PDE10A: variants seen among roughly 807,000 people sequenced by gnomAD.
PDE10A encodes the protein cAMP and cAMP-inhibited cGMP 3',5'-cyclic phosphodiesterase 10A.
Under a neutral mutation model 97.7 loss-of-function variants are expected in PDE10A, and 39 were observed. That is an observed-to-expected ratio of 0.40 (90% CI 0.31 to 0.52). The LOEUF (loss-of-function observed/expected upper bound fraction) is 0.52, where lower values mean the gene tolerates loss of function less well. PDE10A is among the 20% of genes least tolerant of loss of function. The pLI, the probability that PDE10A is intolerant of heterozygous loss-of-function variation, is 0.56. For synonymous variants in PDE10A, 371 were observed against 376.8 expected, an observed-to-expected ratio of 0.98 and a Z score of 0.18; for missense variants, 731 against 1,047.8, an observed-to-expected ratio of 0.70 and a Z score of 4.17.
At chr6:165,601,982 G>C (rs533019359) in intron 1 of PDE10A, among the ~76,000 whole-genome samples, 1 of 152,124 alleles carries the variant, frequency 6.6e-6, no homozygotes, top group South Asian at 2.1e-4. Context: ...TTTTAAAACA[G>C]AGACTAAGAT....
chr6:165,572,186 G>T (rs532628838), intron 1 of PDE10A, among the ~76,000 whole-genome samples: 2 of 152,312 alleles, frequency 1.3e-5, no homozygotes, highest in South Asian at 4.1e-4. Context: ...TTGAAGAAAT[G>T]TGGAATTATT....
At chr6:165,595,101 C>T (rs915753428) in intron 1 of PDE10A, among the ~76,000 whole-genome samples, 1 of 152,124 alleles carries the variant, frequency 6.6e-6, no homozygotes, top group Non-Finnish European at 1.5e-5. Context: ...CCTGGCAATC[C>T]CAGCCATCAC....
intron 1 of PDE10A, among the ~76,000 whole-genome samples, chr6:165,672,309 C>G (rs1790669599): frequency 6.6e-6 from 1 of 152,206 alleles, no homozygotes; most frequent in African/African-American, 2.4e-5. Flanking sequence ...TGAAAATATC[C>G]TAAGTCAAAA....
chr6:165,501,428 G>A (rs1780876053), intron 2 of PDE10A, among the ~76,000 whole-genome samples: 1 of 152,128 alleles, frequency 6.6e-6, no homozygotes, highest in South Asian at 2.1e-4. Context: ...AGGCGTGGTG[G>A]CGGGCGCCTG....
intron 10 of PDE10A, among the ~76,000 whole-genome samples, chr6:165,421,213 G>A (rs768360007): frequency 2.0e-5 from 3 of 152,138 alleles, no homozygotes; most frequent in Non-Finnish European, 4.4e-5. Flanking sequence ...AGACTGAGAT[G>A]GGCAGATCTC....
intron 2 of PDE10A, among the ~76,000 whole-genome samples, chr6:165,499,881 A>C (rs533248399): frequency 6.6e-6 from 1 of 152,310 alleles, no homozygotes; most frequent in East Asian, 1.9e-4. Flanking sequence ...CATAGGGAAA[A>C]AAAGTCAATG....
intron 1 of PDE10A, among the ~76,000 whole-genome samples, chr6:165,961,929 C>G (rs1186857717): frequency 6.6e-6 from 1 of 152,238 alleles, no homozygotes. Context: ...AAGTCACCAA[C>G]TGGCGTGACT....
In PDE10A at chr6:165,655,803, T is replaced by G. The variant is rs1287239230; in HGVS notation, c.865+6144A>C. Among the ~76,000 whole-genome samples the G allele has an allele frequency of 6.6e-6, 1 of 152,094 alleles. No homozygotes were observed. Among genetic ancestry groups the G allele is most frequent in the Non-Finnish European group, 1.5e-5 (1 of 68,002 alleles). The stretch of plus-strand genomic sequence containing the variant: ...TTTCCTCTGACTGACAAAGCCTTCA[T>G]CCGGCCCATTTGCCACTTCACTTGC... On this transcript the variant is annotated intron_variant, in intron 1 of 21. Transcript: ENST00000539869. This position sits in a 1 kb window ranked among gnomAD's most constrained non-coding sequence, Gnocchi z 4.5.
At chr6:165,737,771 C>T (rs924458124) in intron 1 of PDE10A, among the ~76,000 whole-genome samples, 3 of 152,170 alleles carry the variant, frequency 2.0e-5, no homozygotes, top group Admixed American at 2.0e-4. Flanking sequence ...CTTGCCACTT[C>T]TATTCAATAC....
chr6:165,710,832 G>A (rs1791876764), intron 1 of PDE10A, among the ~76,000 whole-genome samples: 1 of 152,210 alleles, frequency 6.6e-6, no homozygotes, highest in Admixed American at 6.5e-5. Flanking sequence ...AAAGTGCTTA[G>A]AAAAATCACT....
intron 1 of PDE10A, among the ~76,000 whole-genome samples, chr6:165,719,404 T>A (rs775931121): frequency 3.9e-5 from 6 of 152,344 alleles, no homozygotes; most frequent in Admixed American, 1.3e-4. Context: ...GCTGTTCTAT[T>A]TCTTAACAGC....
intron 1 of PDE10A, among the ~76,000 whole-genome samples, chr6:165,863,396 G>T (rs1780958412): frequency 6.6e-6 from 1 of 152,138 alleles, no homozygotes; most frequent in Admixed American, 6.5e-5. Flanking sequence ...CTAGAAAACA[G>T]GTTTAATGTC....
intron 10 of PDE10A, among the ~76,000 whole-genome samples, chr6:165,422,019 G>A (rs1333670329): frequency 1.3e-5 from 2 of 151,484 alleles, no homozygotes; most frequent in Admixed American, 6.6e-5. Context: ...AGCAGAGATT[G>A]TGCCACTGCA....
Position 165,650,649 on chromosome 6 carries a change from T to C in PDE10A, c.865+11298A>G, listed in dbSNP as rs113765277. ...CATTAGATGGTTTCCAATGTCCTAT[T>C]TCAAACAATACTACGCCATATTCAT... On this transcript the variant is annotated intron_variant, in intron 1 of 21. Coordinates refer to ENST00000539869, the MANE Select transcript of PDE10A (RefSeq NM_001385079.1). 7.8e-3 allele frequency among the ~76,000 whole-genome samples: 1,191 copies of C among 152,356 alleles called. 16 individuals are homozygous for C. The highest frequency in any genetic ancestry group is 0.027 in the African/African-American group (1,133 of 41,590).
At chr6:165,899,243 A>C (rs1782036964) in intron 1 of PDE10A, among the ~76,000 whole-genome samples, 1 of 152,348 alleles carries the variant, frequency 6.6e-6, no homozygotes, top group South Asian at 2.1e-4. Flanking sequence ...TTCCGGTATC[A>C]ACTTAAAGAA....
intron 1 of PDE10A, among the ~76,000 whole-genome samples, chr6:165,957,067 C>G (rs1165100034): frequency 1.3e-5 from 2 of 152,140 alleles, no homozygotes; most frequent in Admixed American, 6.5e-5. Context: ...GACCTCCTGG[C>G]TACTAGTGCA....
intron 18 of PDE10A, among the ~76,000 whole-genome samples, chr6:165,364,389 G>A (rs2128195057): frequency 6.6e-6 from 1 of 152,278 alleles, no homozygotes; most frequent in African/African-American, 2.4e-5. Context: ...CACTCAAATT[G>A]AGACACTCAA....
intron 1 of PDE10A, among the ~76,000 whole-genome samples, chr6:165,724,977 CG>C (rs1407567985): frequency 5.3e-5 from 8 of 152,180 alleles, no homozygotes; most frequent in Non-Finnish European, 8.8e-5. Flanking sequence ...CTCCACCCTC[CG>C]GCCTGTGCCC....
intron 1 of PDE10A, among the ~76,000 whole-genome samples, chr6:165,603,043 A>G (rs1256562655): frequency 6.6e-6 from 1 of 152,258 alleles, no homozygotes; most frequent in Non-Finnish European, 1.5e-5. Flanking sequence ...GAAAATAAGA[A>G]GTAAAAATAA....
Sources: gnomAD v4.1 joint callset for allele counts (sites outside exome capture counted in the v4.1 genomes callset) on GRCh38, gnomAD v4.1.1 for gene constraint, Gnocchi (gnomAD v3.1) non-coding constraint, MANE v1.5 for transcripts, NCBI Gene and HGNC (gene_info 2026-07-23, HGNC 2026-07-21) for gene names.